Variants in LRP1B observed in about 807,000 individuals in gnomAD.
LRP1B encodes LDL receptor related protein 1B.
LRP1B carries 217 observed loss-of-function variants against 556.6 expected under a neutral mutation model. The observed-to-expected ratio is 0.39, with a 90% confidence interval of 0.35 to 0.44. The LOEUF is 0.44. LRP1B is among the 20% of genes least tolerant of loss of function. LRP1B has a pLI of 1.00. For missense variants in LRP1B, 5,053 were observed against 5,620.8 expected (o/e 0.90, Z 3.23); for synonymous variants, 2,047 against 1,865.8 (o/e 1.10, Z -2.50).
chr2:141,069,786 T>C (rs2105480559), intron 7 of LRP1B, among the ~76,000 whole-genome samples: 1 of 152,174 alleles, frequency 6.6e-6, no homozygotes, highest in African/African-American at 2.4e-5. Flanking sequence ...GAACTAAATC[T>C]TGCAACTTTC....
intron 1 of LRP1B, among the ~76,000 whole-genome samples, chr2:141,937,483 A>T (rs187560750): frequency 2.0e-5 from 3 of 151,972 alleles, no homozygotes; most frequent in African/African-American, 7.2e-5. Context: ...CTTCAAATGT[A>T]TGGATTGAGA....
intron 51 of LRP1B, among the ~76,000 whole-genome samples, chr2:140,512,033 A>C (rs1446837552): frequency 6.6e-6 from 1 of 152,070 alleles, no homozygotes; most frequent in Non-Finnish European, 1.5e-5. Context: ...TTTTTCTCTT[A>C]AGGAAGTTTT....
At chr2:140,829,299 A>G (rs756788402) in intron 31 of LRP1B, among the ~76,000 whole-genome samples, 3 of 152,216 alleles carry the variant, frequency 2.0e-5, no homozygotes, top group Non-Finnish European at 2.9e-5. Context: ...TGACATTTAC[A>G]GAGTATTTTG....
chr2:140,491,065 A>G (rs1688678654), intron 57 of LRP1B, among the ~76,000 whole-genome samples: 1 of 152,160 alleles, frequency 6.6e-6, no homozygotes, highest in Non-Finnish European at 1.5e-5. Flanking sequence ...TAAATGATGC[A>G]TAGAGGAAAA....
At chr2:141,198,595 G>T (rs888647625) in intron 6 of LRP1B, among the ~76,000 whole-genome samples, 2 of 151,980 alleles carry the variant, frequency 1.3e-5, no homozygotes, top group African/African-American at 4.8e-5. Context: ...TATGCTTTTT[G>T]TTTGGGGGAG....
At chr2:141,598,158 G>T (rs539158138) in intron 2 of LRP1B, among the ~76,000 whole-genome samples, 138 of 151,716 alleles carry the variant, frequency 9.1e-4, no homozygotes, top group Non-Finnish European at 1.4e-3. Flanking sequence ...TCTGGATGAG[G>T]GTTTCTTTTA....
At chr2:141,181,619 T>G (rs1680997615) in intron 7 of LRP1B, among the ~76,000 whole-genome samples, 1 of 151,936 alleles carries the variant, frequency 6.6e-6, no homozygotes, top group African/African-American at 2.4e-5. Context: ...GTGTTGACTT[T>G]ATGAATAATA....
chr2:142,023,628 T>A (rs865920261), intron 1 of LRP1B, among the ~76,000 whole-genome samples: 1 of 152,212 alleles, frequency 6.6e-6, no homozygotes, highest in Non-Finnish European at 1.5e-5. Flanking sequence ...AGATATTACT[T>A]CTTCCAGAAT....
intron 1 of LRP1B, among the ~76,000 whole-genome samples, chr2:141,832,380 C>A (rs949337815): frequency 8.7e-5 from 13 of 149,952 alleles, no homozygotes; most frequent in Non-Finnish European, 1.9e-4. Flanking sequence ...GTTAAGTGAA[C>A]AGAACAAATG....
rs2105293217 is a variant in LRP1B at position 141,229,182 on chromosome 2, C to T, written c.850+1G>A. ...ATATAATATTTAATTGAAACACTTACTGTGGAAGGATTGAAGAATATTGAT... is the reference window on the plus strand; with the variant it reads ...ATATAATATTTAATTGAAACACTTATTGTGGAAGGATTGAAGAATATTGAT... On this transcript the variant is annotated splice_donor_variant, in intron 6 of 90. Coordinates refer to ENST00000389484, the MANE Select transcript of LRP1B (RefSeq NM_018557.3). LOFTEE classifies it high-confidence loss of function. 1 of 1,612,712 alleles carries T rather than the reference C, an allele frequency of 6.2e-7. No individual in the cohort carries two copies. The highest frequency in any genetic ancestry group is 1.3e-5 in the African/African-American group (1 of 75,006).
At chr2:140,391,347 G>A (rs1443159827) in intron 66 of LRP1B, among the ~76,000 whole-genome samples, 1 of 152,144 alleles carries the variant, frequency 6.6e-6, no homozygotes, top group Non-Finnish European at 1.5e-5. Flanking sequence ...AATCCATGGT[G>A]ATATAAGAAT....
At chr2:140,803,703 G>A (rs1284738523) in intron 32 of LRP1B, among the ~76,000 whole-genome samples, 1 of 151,654 alleles carries the variant, frequency 6.6e-6, no homozygotes, top group Admixed American at 6.6e-5. Context: ...TGGTATTCTG[G>A]GTATTTCTAT....
In LRP1B at chr2:140,787,404, T is replaced by C. The variant is rs995998759; in HGVS notation, c.5360-11166A>G. On this transcript the variant is annotated intron_variant, in intron 32 of 90. Transcript: ENST00000389484. ...CACATATTTCCAGATTCAGCTCAAA[T>C]GGTATCTTTATTTGCAAAGTTTACT... Among the ~76,000 whole-genome samples the C allele has an allele frequency of 7.9e-5, 12 of 152,296 alleles. No homozygotes were observed. In the South Asian group the frequency reaches 1.7e-3, roughly 21 times the overall value.
In LRP1B at chr2:141,400,377, G is replaced by A. The variant is rs151076606; in HGVS notation, c.343+80019C>T. On this transcript the variant is annotated intron_variant, in intron 3 of 90. Transcript: ENST00000389484. The stretch of plus-strand genomic sequence containing the variant: ...AGAAAGCCTTGGAGTTAGCCTATAC[G>A]ACTTGTTTAAGGTTATAAAATTAGT... Among the ~76,000 whole-genome samples the A allele has an allele frequency of 7.9e-5, 12 of 152,248 alleles. No individual in the cohort carries two copies. In the East Asian group the frequency reaches 2.1e-3, roughly 27 times the overall value.
At chr2:141,402,544 G>A (rs189973321) in intron 3 of LRP1B, among the ~76,000 whole-genome samples, 1 of 151,902 alleles carries the variant, frequency 6.6e-6, no homozygotes, top group Admixed American at 6.6e-5. Context: ...AAATCTCAAA[G>A]TAACACTATA....
intron 47 of LRP1B, among the ~76,000 whole-genome samples, chr2:140,527,739 C>G (rs1690497995): frequency 6.6e-6 from 1 of 151,652 alleles, no homozygotes; most frequent in South Asian, 2.1e-4. Flanking sequence ...ATTTGTGTTA[C>G]ATTTCATATT....
chr2:142,069,857 C>T lies in LRP1B; in HGVS notation c.82+60791G>A, dbSNP rs898278721. 4.0e-5 allele frequency among the ~76,000 whole-genome samples: 6 copies of T among 151,578 alleles called. No homozygotes were observed. The South Asian group carries it at 1.2e-3, about 31-fold the overall frequency. ...TTTGCAATCATGACTACATTTTTTG[C>T]TAATCAACATGTTTGCTTTACAGAG... On this transcript the variant is annotated intron_variant, in intron 1 of 90. Coordinates refer to ENST00000389484, the MANE Select transcript of LRP1B (RefSeq NM_018557.3).
intron 14 of LRP1B, among the ~76,000 whole-genome samples, 176 bp downstream of exon 14, chr2:141,013,380 A>G (rs116581643): frequency 1.3e-5 from 2 of 152,170 alleles, no homozygotes; most frequent in Admixed American, 1.3e-4. Context: ...CAGGATATTT[A>G]GAACAACAAA....
chr2:140,986,300 T>G (rs112498315), intron 17 of LRP1B, among the ~76,000 whole-genome samples: 1 of 152,218 alleles, frequency 6.6e-6, no homozygotes, highest in East Asian at 1.9e-4. Context: ...TTCACTATTA[T>G]AGCACAAGAC....
Sources: gnomAD v4.1 joint callset for allele counts (sites outside exome capture counted in the v4.1 genomes callset) on GRCh38, gnomAD v4.1.1 for gene constraint, MANE v1.5 for transcripts, NCBI Gene and HGNC (gene_info 2026-07-23, HGNC 2026-07-21) for gene names.